The following MAGI2 variants were observed in gnomAD, a reference collection of about 807,000 sequenced individuals.
MAGI2 encodes membrane-associated guanylate kinase, WW and PDZ domain-containing protein 2.
Under a neutral mutation model 133.3 loss-of-function variants are expected in MAGI2, and 35 were observed. The observed-to-expected ratio is 0.26, with a 90% CI of 0.20 to 0.35. The LOEUF is 0.35. MAGI2 is among the 10% of genes least tolerant of loss of function. MAGI2 has a pLI of 1.00. For synonymous variants in MAGI2, 729 were observed against 710.6 expected, an observed-to-expected ratio of 1.03 and a Z score of -0.41; for missense variants, 1,636 against 1,863.4, an observed-to-expected ratio of 0.88 and a Z score of 2.25.
chr7:78,811,427 A>C (rs1205455808), intron 2 of MAGI2, among the ~76,000 whole-genome samples: 1 of 151,954 alleles, frequency 6.6e-6, no homozygotes, highest in Non-Finnish European at 1.5e-5. Flanking sequence ...TATAATAATT[A>C]AATGATTTTT....
At chr7:79,013,057 C>A (rs1051248262) in intron 1 of MAGI2, among the ~76,000 whole-genome samples, 1 of 152,076 alleles carries the variant, frequency 6.6e-6, no homozygotes, top group African/African-American at 2.4e-5. Context: ...GAGTTTTGGA[C>A]AAACATTCAG....
chr7:78,549,288 C>T lies in MAGI2; in HGVS notation c.539-27643G>A, dbSNP rs150059499. On this transcript the variant is annotated intron_variant, in intron 3 of 21. Coordinates refer to ENST00000354212, the MANE Select transcript of MAGI2 (RefSeq NM_012301.4). ...GTGGAACATCAATAGTTTCACAGAA[C>T]GCCAACTTCAGACAAGGCCATTGTG... 1.4e-3 allele frequency among the ~76,000 whole-genome samples: 212 copies of T among 152,158 alleles called. 1 individual carries two copies. The highest frequency in any genetic ancestry group is 4.8e-3 in the African/African-American group (199 of 41,500).
At chr7:78,433,758 G>A (rs1800014705) in intron 6 of MAGI2, among the ~76,000 whole-genome samples, 1 of 152,152 alleles carries the variant, frequency 6.6e-6, no homozygotes, top group South Asian at 2.1e-4. Flanking sequence ...TATTTAAGGG[G>A]AGAGAAAAAA....
At chr7:79,136,012 A>AGAAG (rs1562928859) in intron 1 of MAGI2, among the ~76,000 whole-genome samples, 70 of 130,924 alleles carry the variant, frequency 5.3e-4, no homozygotes, top group South Asian at 1.5e-3. Context: ...AGAGAAAGAA[A>AGAAG]GAAAGAAAGA....
At chr7:79,409,309 A>G (rs922818453) in intron 1 of MAGI2, among the ~76,000 whole-genome samples, 33 of 151,906 alleles carry the variant, frequency 2.2e-4, no homozygotes, top group African/African-American at 7.2e-4. Context: ...TTATTTTTTT[A>G]AGATGGTGTC....
chr7:79,283,213 T>C (rs1363057994), intron 1 of MAGI2, among the ~76,000 whole-genome samples: 4 of 152,100 alleles, frequency 2.6e-5, no homozygotes. Flanking sequence ...TTAAACTCTT[T>C]CTAATACACA....
intron 1 of MAGI2, among the ~76,000 whole-genome samples, chr7:79,252,468 T>G (rs965743939): frequency 6.6e-6 from 1 of 151,146 alleles, no homozygotes; most frequent in Non-Finnish European, 1.5e-5. Context: ...GTGAGAGGAG[T>G]GGTAGGAAGG....
chr7:78,636,435 T>C (rs1460254635), intron 2 of MAGI2, among the ~76,000 whole-genome samples: 5 of 149,956 alleles, frequency 3.3e-5, no homozygotes, highest in African/African-American at 1.2e-4. Context: ...ATGGCATCAA[T>C]TACTGTTTTA....
intron 2 of MAGI2, among the ~76,000 whole-genome samples, chr7:78,656,184 C>G (rs1377322477): frequency 6.6e-6 from 1 of 152,090 alleles, no homozygotes; most frequent in Non-Finnish European, 1.5e-5. Flanking sequence ...CTGACTCCAT[C>G]TTTTCCTAAC....
At chr7:79,138,802 G>A (rs181280497) in intron 1 of MAGI2, among the ~76,000 whole-genome samples, 221 of 152,042 alleles carry the variant, frequency 1.5e-3, no homozygotes, top group African/African-American at 5.1e-3. Context: ...TCAGGAGATC[G>A]AGACCATCCT....
chr7:79,282,329 G>C (rs1264237206), intron 1 of MAGI2, among the ~76,000 whole-genome samples: 1 of 152,152 alleles, frequency 6.6e-6, no homozygotes, highest in Non-Finnish European at 1.5e-5. Context: ...CTCCAGATGA[G>C]AATTACAAAC....
intron 2 of MAGI2, among the ~76,000 whole-genome samples, chr7:78,745,476 G>A (rs1386709063): frequency 6.6e-6 from 1 of 151,934 alleles, no homozygotes; most frequent in Non-Finnish European, 1.5e-5. Flanking sequence ...CTCTCCACAT[G>A]TCAAGGTGGT....
At position 78,521,448 on chromosome 7, in the gene MAGI2, C is replaced by T. The variant is rs374472873; in HGVS notation, c.736G>A (p.Gly246Arg). The change falls in exon 4 of 22, where the codon GGA becomes AGA. Residue 246 changes from glycine to arginine, a missense_variant. Transcript: ENST00000354212. Reference protein sequence around the residue: ...EEERPVVNGNGVVVTPESSEH... With the variant: ...EEERPVVNGNRVVVTPESSEH... ...GACTAACCTGGTGTTACTACTACTCCATTTCCATTGACCACAGGCCTCTCT... is the reference window on the plus strand; with the variant it reads ...GACTAACCTGGTGTTACTACTACTCTATTTCCATTGACCACAGGCCTCTCT... 45 of 1,613,738 alleles carry T rather than the reference C, an allele frequency of 2.8e-5. No individual in the cohort carries two copies. Among genetic ancestry groups the T allele is most frequent in the Admixed American group, 6.7e-5 (4 of 59,990 alleles).
At chr7:79,216,205 G>A (rs1386677618) in intron 1 of MAGI2, among the ~76,000 whole-genome samples, 1 of 151,866 alleles carries the variant, frequency 6.6e-6, no homozygotes, top group Non-Finnish European at 1.5e-5. Context: ...GAGTTTGGCT[G>A]GGGATGGTTG....
At position 78,247,084 on chromosome 7, in the gene MAGI2, CTGCTGCAGCTGCATA is replaced by C. The variant is rs922324453; in HGVS notation, c.2047+8844_2047+8858del. Among the ~76,000 whole-genome samples the C allele has an allele frequency of 1.2e-4, 19 of 152,288 alleles. 1 individual carries two copies. The highest frequency in any genetic ancestry group is 1.2e-3 in the East Asian group (6 of 5,182). On this transcript the variant is annotated intron_variant, in intron 10 of 21. Coordinates refer to ENST00000354212, the MANE Select transcript of MAGI2 (RefSeq NM_012301.4). ...GACACCTGTGTCCTGGAGCCCAGTG[CTGCTGCAGCTGCATA>C]TGCTGCAGCTGCATATTGACCATGT...
rs115329376 is a variant in MAGI2 at position 78,154,421 on chromosome 7, C to T, written c.2845+5604G>A. On this transcript the variant is annotated intron_variant, in intron 16 of 21. Transcript: ENST00000354212. Reference sequence around the variant, plus strand: ...AGCGTGCTGACCAGTGATGCACTTGCGGATAGGGACAGAAGATGAAATCAA... The same window carrying T: ...AGCGTGCTGACCAGTGATGCACTTGTGGATAGGGACAGAAGATGAAATCAA... Among the ~76,000 whole-genome samples, 713 of 152,228 alleles carry T rather than the reference C, an allele frequency of 4.7e-3. 5 individuals carry two copies. The highest frequency in any genetic ancestry group is 0.016 in the African/African-American group (684 of 41,544).
intron 6 of MAGI2, among the ~76,000 whole-genome samples, chr7:78,432,875 G>C (rs1001421156): frequency 6.6e-6 from 1 of 151,870 alleles, no homozygotes; most frequent in Non-Finnish European, 1.5e-5. Context: ...ACTAGCCAGG[G>C]GGTAAAGTAT....
intron 6 of MAGI2, chr7:78,484,876 C>T (rs913801829): frequency 6.6e-6 from 1 of 151,948 alleles, no homozygotes; most frequent in African/African-American, 2.4e-5. Context: ...GATTAAGTAC[C>T]TTGCCCAAGA....
rs1811737222 is a variant in MAGI2 at position 79,042,286 on chromosome 7, T to A, written c.302-35080A>T. 2.0e-5 allele frequency among the ~76,000 whole-genome samples: 3 copies of A among 152,188 alleles called. No homozygotes were observed. The South Asian group carries it at 6.2e-4, about 32-fold the overall frequency. ...ATAACCTTATCATTATGTGATACAT[T>A]TCTGTGTCTTTTTTGATTGTTGTTG... On this transcript the variant is annotated intron_variant, in intron 1 of 21. Transcript: ENST00000354212.
Sources: allele counts gnomAD v4.1 joint callset (sites outside exome capture counted in the v4.1 genomes callset), GRCh38; gene constraint gnomAD v4.1.1; transcripts MANE v1.5; gene names NCBI Gene and HGNC (gene_info 2026-07-23, HGNC 2026-07-21).